TEAD1: variants seen among roughly 807,000 people sequenced by gnomAD.
The protein encoded by TEAD1 is transcriptional enhancer factor TEF-1.
Under a neutral mutation model 54.9 loss-of-function variants are expected in TEAD1, and 9 were observed. The ratio of observed to expected loss-of-function variants is 0.16; its 90% confidence interval spans 0.10 to 0.29. The LOEUF is 0.29. Among genes scored for constraint, TEAD1 ranks in the 10% least tolerant of loss-of-function variants. The pLI is 1.00. For synonymous variants in TEAD1, 200 were observed against 187.8 expected (o/e 1.07, Z -0.53); for missense variants, 387 against 535.9 (o/e 0.72, Z 2.74).
chr11:12,912,128 A>G (rs892341222), intron 10 of TEAD1, among the ~76,000 whole-genome samples: 3 of 151,896 alleles, frequency 2.0e-5, no homozygotes, highest in Non-Finnish European at 4.4e-5. Flanking sequence ...ACCTCAAGAG[A>G]CTCACTTGAA....
At chr11:12,848,448 T>C (rs749047068) in intron 3 of TEAD1, among the ~76,000 whole-genome samples, 15 of 152,196 alleles carry the variant, frequency 9.9e-5, no homozygotes, top group Admixed American at 3.9e-4. Context: ...GATTTTGTTC[T>C]CATTAAACAC....
At position 12,937,385 on chromosome 11, in the gene TEAD1, G is replaced by A; in HGVS notation, c.*163G>A. The stretch of plus-strand genomic sequence containing the variant: ...CTTTTCTAAATCTTGTTTGAGTGAA[G>A]TCATTTTTTCATGTGTTCATACTAT... On this transcript the variant is annotated 3_prime_UTR_variant, in exon 13 of 13. Coordinates refer to ENST00000527636, the MANE Select transcript of TEAD1 (RefSeq NM_021961.6). 1 of 579,216 alleles carries A rather than the reference G, an allele frequency of 1.7e-6. No individual in the cohort carries two copies. The highest frequency in any genetic ancestry group is 3.1e-6 in the Non-Finnish European group (1 of 320,660). 35.9% of individuals were successfully genotyped at this position (579,216 alleles called of 1,614,324 possible).
At chr11:12,774,052 G>C (rs1424285658) in intron 3 of TEAD1, among the ~76,000 whole-genome samples, 1 of 152,210 alleles carries the variant, frequency 6.6e-6, no homozygotes, top group Non-Finnish European at 1.5e-5. Context: ...GGTCGTAGGA[G>C]TCTAAGTTGG....
chr11:12,750,547 G>A (rs576325092), intron 2 of TEAD1, among the ~76,000 whole-genome samples: 1 of 151,572 alleles, frequency 6.6e-6, no homozygotes, highest in East Asian at 1.9e-4. Flanking sequence ...ATCTTCCCAA[G>A]TAGACAGACA....
At chr11:12,770,970 T>G (rs1345437813) in intron 3 of TEAD1, among the ~76,000 whole-genome samples, 2 of 152,238 alleles carry the variant, frequency 1.3e-5, no homozygotes, top group Non-Finnish European at 2.9e-5. Flanking sequence ...CCTTGGAGAA[T>G]CTGTGGAAAG....
chr11:12,707,954 G>A (rs1010280335), intron 2 of TEAD1, among the ~76,000 whole-genome samples: 8 of 152,234 alleles, frequency 5.3e-5, no homozygotes, highest in Non-Finnish European at 1.0e-4. Flanking sequence ...AGAGACTGCA[G>A]CATGAAATCT....
At chr11:12,796,268 A>G (rs1449584490) in intron 3 of TEAD1, among the ~76,000 whole-genome samples, 1 of 152,200 alleles carries the variant, frequency 6.6e-6, no homozygotes, top group Non-Finnish European at 1.5e-5. Flanking sequence ...TGGAGATAGC[A>G]TATAGTGGGC....
chr11:12,849,366 C>G (rs971342833), intron 3 of TEAD1: 1 of 152,116 alleles, frequency 6.6e-6, no homozygotes, highest in Non-Finnish European at 1.5e-5. Flanking sequence ...CTTTCTATAG[C>G]CTCCCACCAT....
chr11:12,921,491 G>A (rs1346717419), intron 10 of TEAD1, among the ~76,000 whole-genome samples: 2 of 145,518 alleles, frequency 1.4e-5, no homozygotes, highest in African/African-American at 5.1e-5. Context: ...GGTGAGCCAA[G>A]ATCGTGCCAT....
Position 12,943,715 on chromosome 11 carries a change from G to A in TEAD1, c.*6493G>A, listed in dbSNP as rs1001807515. The A allele has an allele frequency of 6.6e-6, 1 of 151,946 alleles. No homozygotes were observed. Among genetic ancestry groups the A allele is most frequent in the African/African-American group, 2.4e-5 (1 of 41,344 alleles). 9.4% of individuals were successfully genotyped at this position (151,946 alleles called of 1,614,324 possible). A position where few individuals can be genotyped will look rare whatever the true frequency, so the allele number is the denominator to read the frequency against. On this transcript the variant is annotated 3_prime_UTR_variant, in exon 13 of 13. Transcript: ENST00000527636. ...CCCCTTTCTTTAAGAGAGGCTGACA[G>A]ATCTAGGTGTCAATCAATTGGAAAC...
chr11:12,742,668 G>A (rs1944670475), intron 2 of TEAD1, among the ~76,000 whole-genome samples: 1 of 152,044 alleles, frequency 6.6e-6, no homozygotes, highest in Non-Finnish European at 1.5e-5. Flanking sequence ...TACATGTATG[G>A]AAATATCACA....
intron 10 of TEAD1, among the ~76,000 whole-genome samples, chr11:12,923,447 G>C (rs543333385): frequency 1.3e-4 from 20 of 152,272 alleles, no homozygotes; most frequent in African/African-American, 4.1e-4. Context: ...GCTTAGTTCC[G>C]TGTGGTATGT....
At chr11:12,739,261 CATCT>C (rs1258216361) in intron 2 of TEAD1, among the ~76,000 whole-genome samples, 2 of 152,022 alleles carry the variant, frequency 1.3e-5, no homozygotes, top group African/African-American at 2.4e-5. Context: ...CTATCTCTGT[CATCT>C]ATCTACAATC....
chr11:12,770,191 A>G (rs1446210883), intron 3 of TEAD1, among the ~76,000 whole-genome samples: 1 of 152,228 alleles, frequency 6.6e-6, no homozygotes, highest in Non-Finnish European at 1.5e-5. Context: ...CTGTGAGAAT[A>G]GCAGGGCCAG....
chr11:12,704,406 T>G (rs1246075752), intron 2 of TEAD1, among the ~76,000 whole-genome samples: 2 of 152,258 alleles, frequency 1.3e-5, no homozygotes, highest in African/African-American at 2.4e-5. Flanking sequence ...TTCTTCTGTC[T>G]CAGCCACTTG....
At chr11:12,771,048 C>G (rs1945301133) in intron 3 of TEAD1, among the ~76,000 whole-genome samples, 1 of 152,244 alleles carries the variant, frequency 6.6e-6, no homozygotes, top group African/African-American at 2.4e-5. Context: ...CATGTAACTT[C>G]AGGCAAGTTC....
At chr11:12,743,428 A>G (rs886339858) in intron 2 of TEAD1, among the ~76,000 whole-genome samples, 1 of 152,206 alleles carries the variant, frequency 6.6e-6, no homozygotes, top group Non-Finnish European at 1.5e-5. Context: ...AAGTTCCTCA[A>G]AGTCTCCTGT....
chr11:12,733,506 C>T (rs1564921825), intron 2 of TEAD1, among the ~76,000 whole-genome samples: 1 of 152,172 alleles, frequency 6.6e-6, no homozygotes, highest in Non-Finnish European at 1.5e-5. Flanking sequence ...AGCTCTGTCC[C>T]AGTGGCCTTG....
intron 2 of TEAD1, among the ~76,000 whole-genome samples, chr11:12,746,098 C>T (rs1944741045): frequency 1.3e-5 from 2 of 152,196 alleles, no homozygotes; most frequent in Admixed American, 1.3e-4. Context: ...CAATACCCTC[C>T]TAACTCCCTA....
Sources: gnomAD v4.1 joint callset for allele counts (sites outside exome capture counted in the v4.1 genomes callset) on GRCh38, gnomAD v4.1.1 for gene constraint, MANE v1.5 for transcripts, NCBI Gene and HGNC (gene_info 2026-07-23, HGNC 2026-07-21) for gene names.